TAB1: variants seen among roughly 807,000 people sequenced by gnomAD.
The protein encoded by TAB1 is TGF-beta activated kinase 1 (MAP3K7) binding protein 1.
TAB1 carries 30 observed loss-of-function variants against 54.5 expected under a neutral mutation model. The ratio of observed to expected loss-of-function variants is 0.55; its 90% CI spans 0.41 to 0.75. The LOEUF (loss-of-function observed/expected upper bound fraction) is 0.75, where lower values mean the gene tolerates loss of function less well. TAB1 is among the 30% of genes least tolerant of loss of function. The probability of loss-of-function intolerance (pLI) is 0.00; values close to 1 mark genes in which losing one functional copy is unlikely to be tolerated. For missense variants in TAB1, 609 were observed against 683.2 expected (o/e 0.89, Z 1.21); for synonymous variants, 289 against 286.9 (o/e 1.01, Z -0.07).
chr22:39,421,411 C>G (rs1478924923), intron 7 of TAB1, among the ~76,000 whole-genome samples: 1 of 152,162 alleles, frequency 6.6e-6, no homozygotes, highest in Non-Finnish European at 1.5e-5. Context: ...TAAAGGATCC[C>G]TGTACACATG....
At chr22:39,403,004 G>A (rs1569191639) in intron 1 of TAB1, among the ~76,000 whole-genome samples, 1 of 152,254 alleles carries the variant, frequency 6.6e-6, no homozygotes, top group Non-Finnish European at 1.5e-5. Flanking sequence ...GGGGAGTATT[G>A]TTGGTGTTAA....
At chr22:39,428,900 CT>C (rs758149081) in intron 10 of TAB1, among the ~76,000 whole-genome samples, 1 of 152,378 alleles carries the variant, frequency 6.6e-6, no homozygotes, top group East Asian at 1.9e-4. Flanking sequence ...CCCTCTGCCT[CT>C]GGGTTGTGGA....
intron 4 of TAB1, among the ~76,000 whole-genome samples, chr22:39,417,357 A>G (rs1926878411): frequency 6.6e-6 from 1 of 152,204 alleles, no homozygotes; most frequent in African/African-American, 2.4e-5. Flanking sequence ...ATGGTGGCTC[A>G]CGCCTGTAAT....
chr22:39,419,619 T>C lies in TAB1; in HGVS notation c.765T>C (p.Ile255=), dbSNP rs774550228. ...AGGTTAAATATGGCTACACGGACAT[T>C]GACCTTCTCAGGTAGGTGCCAGCCC... The part of the protein sequence containing the change: ...DYKVKYGYTD[I]DLLSAAKSKP... Residue 255 remains isoleucine (I), a synonymous_variant, in exon 7 of 11, where the codon ATT becomes ATC. Transcript: ENST00000216160. 1.9e-6 allele frequency: 3 copies of C among 1,609,342 alleles called. No homozygotes were observed. Among genetic ancestry groups the C allele is most frequent in the Admixed American group, 1.7e-5 (1 of 59,754 alleles).
At chr22:39,417,360 C>T (rs1926878982) in intron 4 of TAB1, among the ~76,000 whole-genome samples, 1 of 152,228 alleles carries the variant, frequency 6.6e-6, no homozygotes, top group South Asian at 2.1e-4. Context: ...GTGGCTCACG[C>T]CTGTAATCCC....
In TAB1 at chr22:39,414,860, C is replaced by A; in HGVS notation, c.34-146C>A. 9 of 848,038 alleles carry A rather than the reference C, an allele frequency of 1.1e-5. 1 individual carries two copies. In the South Asian group the frequency reaches 1.6e-4, roughly 15 times the overall value. 52.5% of individuals were successfully genotyped at this position (848,038 alleles called of 1,614,324 possible). Reference sequence around the variant, plus strand: ...ACCCTTCTGCAGGTGTCTGTTCATACAAACATTATTGTTTTCCAGAAGGAA... The same window carrying A: ...ACCCTTCTGCAGGTGTCTGTTCATAAAAACATTATTGTTTTCCAGAAGGAA... On this transcript the variant is annotated intron_variant, in intron 1 of 10. Coordinates refer to ENST00000216160, the MANE Select transcript of TAB1 (RefSeq NM_006116.3).
chr22:39,422,071 C>T (rs1927115885), intron 8 of TAB1, 100 bp downstream of exon 8: 2 of 1,113,426 alleles, frequency 1.8e-6, no homozygotes, highest in Non-Finnish European at 2.4e-6. Flanking sequence ...CGGAGGCCGT[C>T]ACCAGACATC....
chr22:39,408,326 C>T (rs1184976939), intron 1 of TAB1, among the ~76,000 whole-genome samples: 1 of 152,170 alleles, frequency 6.6e-6, no homozygotes, highest in Non-Finnish European at 1.5e-5. Flanking sequence ...CCAAATACAG[C>T]ACAGCATACA....
chr22:39,399,865 G>A (rs760024516), intron 1 of TAB1, 30 bp downstream of exon 1: 7 of 1,583,976 alleles, frequency 4.4e-6, no homozygotes, highest in Non-Finnish European at 6.0e-6. Flanking sequence ...TCTGGGCTTG[G>A]GGTTGGGAGC....
rs769601551 is a variant in TAB1 at position 39,426,818 on chromosome 22, GGGAGC to G, written c.1039_1043del (p.Glu347CysfsTer110). ...CACAGCGACACCTTCGCCAGTGGTG[GGGAGC>G]GTGCCAGGTTCTGCCCCCGGCACGA... On this transcript the variant is annotated frameshift_variant, in exon 9 of 11. Coordinates refer to ENST00000216160, the MANE Select transcript of TAB1 (RefSeq NM_006116.3). LOFTEE classifies it high-confidence loss of function. 2.5e-6 allele frequency: 4 copies of G among 1,613,810 alleles called. No individual in the cohort carries two copies.
At chr22:39,402,409 C>T (rs1257485193) in intron 1 of TAB1, among the ~76,000 whole-genome samples, 1 of 152,166 alleles carries the variant, frequency 6.6e-6, no homozygotes, top group African/African-American at 2.4e-5. Flanking sequence ...TGAGGGGCTG[C>T]AGAGTGGCCT....
chr22:39,421,212 T>C (rs1349548308), intron 7 of TAB1, among the ~76,000 whole-genome samples: 1 of 152,140 alleles, frequency 6.6e-6, no homozygotes, highest in Non-Finnish European at 1.5e-5. Context: ...ATCTCTTCAT[T>C]CTGCTCACCT....
chr22:39,416,708 C>T lies in TAB1; in HGVS notation c.325-83C>T, dbSNP rs2145669110. 6.9e-6 allele frequency: 9 copies of T among 1,301,764 alleles called. No individual in the cohort carries two copies. The Admixed American group carries it at 1.5e-4, about 22-fold the overall frequency. 80.6% of individuals were successfully genotyped at this position (1,301,764 alleles called of 1,614,324 possible). ...ACCTGCAGTGAAGACAGCAAAGCTG[C>T]TGCTCTGATTAATAGAGGACATTTT... On this transcript the variant is annotated intron_variant, in intron 3 of 10. Transcript: ENST00000216160.
At position 39,430,648 on chromosome 22, in the gene TAB1, C is replaced by T. The variant is rs1246838705; in HGVS notation, c.*426C>T. 5.5e-6 allele frequency: 6 copies of T among 1,083,664 alleles called. No individual in the cohort carries two copies. The highest frequency in any genetic ancestry group is 4.4e-5 in the Admixed American group (1 of 22,900). 67.1% of individuals were successfully genotyped at this position (1,083,664 alleles called of 1,614,324 possible). A position where few individuals can be genotyped will look rare whatever the true frequency, so the allele number is the denominator to read the frequency against. On this transcript the variant is annotated 3_prime_UTR_variant, in exon 11 of 11. Transcript: ENST00000216160. ...CCTCCCACCATCACCTCCCTCACCT[C>T]GGGACAGTAGCCCTCCACTTCTCCA...
chr22:39,426,633 C>A, intron 8 of TAB1, 70 bp from the exon 9 acceptor site: 2 of 1,399,862 alleles, frequency 1.4e-6, no homozygotes, highest in Non-Finnish European at 1.9e-6. Context: ...TTTTAGGCTC[C>A]AAGATTATGG....
At chr22:39,401,122 A>G (rs904012489) in intron 1 of TAB1, among the ~76,000 whole-genome samples, 10 of 151,538 alleles carry the variant, frequency 6.6e-5, no homozygotes, top group East Asian at 1.9e-4. Flanking sequence ...TCTATTATCT[A>G]TCACCATGTG....
intron 1 of TAB1, among the ~76,000 whole-genome samples, chr22:39,414,224 A>G (rs1223894864): frequency 6.6e-6 from 1 of 152,140 alleles, no homozygotes; most frequent in Non-Finnish European, 1.5e-5. Context: ...AGAGTCCCGA[A>G]GGACCCGGAG....
intron 1 of TAB1, among the ~76,000 whole-genome samples, chr22:39,404,545 G>A (rs1926280851): frequency 7.0e-6 from 1 of 142,874 alleles, no homozygotes; most frequent in African/African-American, 2.6e-5. Flanking sequence ...TCCAGGCTGG[G>A]TGACACAGCA....
chr22:39,406,270 G>A (rs757411062), intron 1 of TAB1, among the ~76,000 whole-genome samples: 21 of 152,038 alleles, frequency 1.4e-4, no homozygotes, highest in Non-Finnish European at 2.5e-4. Flanking sequence ...ATGGTGGCAC[G>A]CACCTGTAAT....
Sources: gnomAD v4.1 joint callset for allele counts (sites outside exome capture counted in the v4.1 genomes callset) on GRCh38, gnomAD v4.1.1 for gene constraint, MANE v1.5 for transcripts, NCBI Gene and HGNC (gene_info 2026-07-23, HGNC 2026-07-21) for gene names.